TBC1D32: variants seen among roughly 807,000 people sequenced by gnomAD.
TBC1D32 encodes the protein TBC1 domain family member 32.
TBC1D32 carries 151 observed loss-of-function variants against 170.3 expected under a neutral mutation model. That is an observed-to-expected ratio of 0.89 (90% CI 0.78 to 1.01). TBC1D32 has a LOEUF of 1.01. Ranked by LOEUF, TBC1D32 falls within the 50% of genes least tolerant of loss-of-function variation. The pLI is 0.00. For missense variants in TBC1D32, 1,464 were observed against 1,457.1 expected (o/e 1.00, Z -0.08); for synonymous variants, 498 against 488.0 (o/e 1.02, Z -0.27).
intron 20 of TBC1D32, among the ~76,000 whole-genome samples, chr6:121,228,905 T>C (rs571539490): frequency 1.3e-5 from 2 of 152,250 alleles, no homozygotes; most frequent in African/African-American, 2.4e-5. Flanking sequence ...ACATATATTT[T>C]AGATATTTTA....
chr6:121,227,615 T>C (rs949354478), intron 20 of TBC1D32, among the ~76,000 whole-genome samples: 10 of 152,064 alleles, frequency 6.6e-5, no homozygotes, highest in Non-Finnish European at 1.3e-4. Context: ...AGTCGTATTT[T>C]CATACTGAAA....
At position 121,256,185 on chromosome 6, in the gene TBC1D32, C is replaced by A; in HGVS notation, c.1834G>T (p.Ala612Ser). 1 of 1,613,922 alleles carries A rather than the reference C, an allele frequency of 6.2e-7. No individual in the cohort carries two copies. The highest frequency in any genetic ancestry group is 8.5e-7 in the Non-Finnish European group (1 of 1,179,918). The change falls in exon 16 of 32, where the codon GCT (alanine) becomes TCT (serine). Residue 612 changes from alanine to serine, a missense_variant. Around this residue, in one of 3 missense-constraint regions of TBC1D32, gnomAD observed 1,363 missense variants for 1,338.1 expected, o/e 1.02. Transcript: ENST00000398212. ...GSEMLPVVKG[A>S]FISVCRHIYS... ...ATGTGACGACACACAGAAATAAAAG[C>A]TCCTTTAACCACAGGCAACATTTCT...
chr6:121,178,632 T>C (rs868080647), intron 22 of TBC1D32, among the ~76,000 whole-genome samples: 10 of 152,272 alleles, frequency 6.6e-5, no homozygotes, highest in Middle Eastern at 3.4e-3. Context: ...TGTGATCCCC[T>C]TTTCCTGAGT....
chr6:121,295,735 G>C (rs1805531853), intron 10 of TBC1D32, among the ~76,000 whole-genome samples: 1 of 152,138 alleles, frequency 6.6e-6, no homozygotes, highest in South Asian at 2.1e-4. Flanking sequence ...ATAAAGGTTT[G>C]AAAAGAAGCA....
chr6:121,131,022 C>G (rs994391093), intron 25 of TBC1D32, among the ~76,000 whole-genome samples: 7 of 151,980 alleles, frequency 4.6e-5, no homozygotes, highest in African/African-American at 1.7e-4. Flanking sequence ...TGATAAAGTA[C>G]ACAATACCTT....
Position 121,176,976 on chromosome 6 carries a change from G to A in TBC1D32, c.2571-15920C>T, listed in dbSNP as rs773358626. On this transcript the variant is annotated intron_variant, in intron 22 of 31. Coordinates refer to ENST00000398212, the MANE Select transcript of TBC1D32 (RefSeq NM_152730.6). ...AAAGCCTGCAGTTTTATGTTCAACA[G>A]CTAAGAAAGGTGTTCTGGTGATGCT... Among the ~76,000 whole-genome samples the A allele has an allele frequency of 2.0e-5, 3 of 152,158 alleles. No individual in the cohort carries two copies. The South Asian group carries it at 6.2e-4, about 32-fold the overall frequency.
intron 12 of TBC1D32, among the ~76,000 whole-genome samples, chr6:121,290,080 T>C (rs1207226266): frequency 2.6e-5 from 4 of 152,264 alleles, no homozygotes; most frequent in South Asian, 2.1e-4. Flanking sequence ...ATTCAGGACA[T>C]AGGCATGGAC....
At chr6:121,119,214 C>A (rs1780012024) in intron 26 of TBC1D32, among the ~76,000 whole-genome samples, 1 of 152,108 alleles carries the variant, frequency 6.6e-6, no homozygotes, top group South Asian at 2.1e-4. Context: ...AAGTAGCCAG[C>A]TGAAAAACTG....
chr6:121,080,643 A>G lies in TBC1D32; in HGVS notation c.*128T>C. 1.6e-6 allele frequency: 2 copies of G among 1,217,192 alleles called. No individual in the cohort carries two copies. Among genetic ancestry groups the G allele is most frequent in the Middle Eastern group, 2.0e-4 (1 of 5,002 alleles). The allele number at this position is 1,217,192 out of a possible 1,614,324, so 75.4% of individuals were successfully genotyped here. A position where few individuals can be genotyped will look rare whatever the true frequency, so the allele number is the denominator to read the frequency against. On this transcript the variant is annotated 3_prime_UTR_variant, in exon 32 of 32. Coordinates refer to ENST00000398212, the MANE Select transcript of TBC1D32 (RefSeq NM_152730.6). ...CTCATACCTACTTAAATATATCGTT[A>G]TACTTCTCAGTATTTACAATATGTA...
intron 1 of TBC1D32, among the ~76,000 whole-genome samples, chr6:121,325,431 G>C (rs181070535): frequency 8.5e-5 from 13 of 152,086 alleles, no homozygotes; most frequent in Admixed American, 7.9e-4. Context: ...CAGATATATA[G>C]ACCAATGGAA....
chr6:121,270,938 G>A (rs1801320358), intron 15 of TBC1D32, among the ~76,000 whole-genome samples: 1 of 152,144 alleles, frequency 6.6e-6, no homozygotes. Context: ...TCATCCCTGG[G>A]ATGCAAGGCT....
At chr6:121,172,163 A>G (rs1417451023) in intron 22 of TBC1D32, among the ~76,000 whole-genome samples, 4 of 152,082 alleles carry the variant, frequency 2.6e-5, no homozygotes, top group Non-Finnish European at 5.9e-5. Context: ...CACCATGATT[A>G]TGAGGCCTCC....
intron 15 of TBC1D32, among the ~76,000 whole-genome samples, chr6:121,274,475 C>T (rs893884040): frequency 2.0e-5 from 3 of 147,696 alleles, no homozygotes; most frequent in Non-Finnish European, 4.5e-5. Context: ...GAAAATAGAA[C>T]AGATAAGAAT....
chr6:121,287,354 T>C (rs1282787920), intron 12 of TBC1D32, among the ~76,000 whole-genome samples: 1 of 152,134 alleles, frequency 6.6e-6, no homozygotes, highest in Non-Finnish European at 1.5e-5. Context: ...GTTGCAATCC[T>C]AGTCTCTAAT....
rs758169249 is a variant in TBC1D32 at position 121,161,024 on chromosome 6, C to A, written c.2603G>T (p.Arg868Ile). 3.7e-6 allele frequency: 6 copies of A among 1,613,262 alleles called. No homozygotes were observed. Among genetic ancestry groups the A allele is most frequent in the Admixed American group, 3.3e-5 (2 of 59,856 alleles). ...ATTTATTCTAACAAGAACATGATTT[C>A]TCTCCACTGATAAGCCATCAATTAT... Reference protein sequence around the residue: ...DFIIDGLSVERNHVLVRINLV... With the variant: ...DFIIDGLSVEINHVLVRINLV... Residue 868 changes from arginine (R) to isoleucine (I), a missense_variant, in exon 23 of 32, where the codon AGA (arginine) becomes ATA (isoleucine). Physicochemically the swap from Arg to Ile is moderately conservative, Grantham distance 97. Around this residue, in one of 3 missense-constraint regions of TBC1D32, gnomAD observed 1,363 missense variants for 1,338.1 expected, o/e 1.02. Transcript: ENST00000398212.
intron 24 of TBC1D32, among the ~76,000 whole-genome samples, chr6:121,152,048 T>A (rs1442663607): frequency 6.6e-6 from 1 of 152,234 alleles, no homozygotes; most frequent in Non-Finnish European, 1.5e-5. Context: ...GTCATTATGA[T>A]GCTAGCTGGT....
intron 15 of TBC1D32, among the ~76,000 whole-genome samples, chr6:121,268,691 G>T (rs1484925790): frequency 6.6e-6 from 1 of 152,090 alleles, no homozygotes; most frequent in African/African-American, 2.4e-5. Flanking sequence ...CGTTCTTCAG[G>T]ATATTATCCA....
chr6:121,157,948 A>T (rs938024811), intron 24 of TBC1D32, among the ~76,000 whole-genome samples: 1 of 152,018 alleles, frequency 6.6e-6, no homozygotes, highest in African/African-American at 2.4e-5. Context: ...TTCTTTTGCA[A>T]TGATTTTGGT....
At chr6:121,083,590 GTTTTC>G (rs113019089) in intron 31 of TBC1D32, among the ~76,000 whole-genome samples, 11,794 of 152,002 alleles carry the variant, frequency 0.078, 902 homozygotes, top group African/African-American at 0.2. Context: ...GCATTCATCT[GTTTTC>G]TTTTAACTAT....
Sources: gnomAD v4.1 joint callset for allele counts (sites outside exome capture counted in the v4.1 genomes callset) on GRCh38, gnomAD v4.1.1 for gene constraint, gnomAD v4.1.1 regional missense constraint, MANE v1.5 for transcripts, NCBI Gene and HGNC (gene_info 2026-07-23, HGNC 2026-07-21) for gene names.